The following CGNL1 variants were observed in gnomAD, a reference collection of about 807,000 sequenced individuals.
CGNL1 encodes cingulin-like protein 1.
A neutral mutation model predicts 141.2 loss-of-function variants in CGNL1; 132 were observed. The observed-to-expected ratio is 0.93, with a 90% CI of 0.81 to 1.08. The LOEUF is 1.08. Among genes scored for constraint, CGNL1 ranks in the 50% least tolerant of loss-of-function variants. CGNL1 has a pLI of 0.00. For missense variants in CGNL1, 1,870 were observed against 1,588.6 expected, an observed-to-expected ratio of 1.18 and a Z score of -3.01; for synonymous variants, 690 against 622.1, an observed-to-expected ratio of 1.11 and a Z score of -1.63.
At position 57,458,860 on chromosome 15, in the gene CGNL1, A is replaced by G. The variant is rs1057475932; in HGVS notation, c.2191-2820A>G. Among the ~76,000 whole-genome samples, 7 of 152,214 alleles carry G rather than the reference A, an allele frequency of 4.6e-5. No individual in the cohort carries two copies. The East Asian group carries it at 7.7e-4, about 17-fold the overall frequency. On this transcript the variant is annotated intron_variant, in intron 7 of 18. Transcript: ENST00000281282. ...AGCCAGAGCCGGCCTCGTTACCTGC[A>G]TGGGTCTCTTGACATTTCTTCTGAG...
At chr15:57,395,138 C>G (rs1184738207) in intron 1 of CGNL1, among the ~76,000 whole-genome samples, 2 of 152,124 alleles carry the variant, frequency 1.3e-5, no homozygotes, top group African/African-American at 4.8e-5. Context: ...AAAACCCCAC[C>G]AAACCAAAAA....
intron 11 of CGNL1, among the ~76,000 whole-genome samples, chr15:57,524,064 T>A (rs1182349687): frequency 1.3e-5 from 2 of 152,116 alleles, no homozygotes; most frequent in Non-Finnish European, 2.9e-5. Flanking sequence ...CCAGAAGGGG[T>A]AAAGGCACAA....
Position 57,440,478 on chromosome 15 carries a change from G to C in CGNL1, c.1697+7G>C. ...ACAATTACCTCAAAGAAGGGTTAGT[G>C]ATTTTCCCTCTGAAAGAGCAAAGTA... On this transcript the variant is annotated splice_region_variant and intron_variant, in intron 3 of 18. Coordinates refer to ENST00000281282, the MANE Select transcript of CGNL1 (RefSeq NM_032866.5). 1 of 1,569,208 alleles carries C rather than the reference G, an allele frequency of 6.4e-7. No homozygotes were observed.
At chr15:57,425,814 A>G (rs2062966956) in intron 1 of CGNL1, among the ~76,000 whole-genome samples, 1 of 151,928 alleles carries the variant, frequency 6.6e-6, no homozygotes, top group Admixed American at 6.6e-5. Context: ...AGGTTAAAAT[A>G]TATTATCCTT....
chr15:57,392,331 C>G (rs1656050281), intron 1 of CGNL1, among the ~76,000 whole-genome samples: 1 of 152,018 alleles, frequency 6.6e-6, no homozygotes, highest in Admixed American at 6.5e-5. Flanking sequence ...TGTGATCAGC[C>G]TAGAGGGAGG....
At chr15:57,446,471 AT>A (rs2063253039) in intron 4 of CGNL1, among the ~76,000 whole-genome samples, 1 of 152,116 alleles carries the variant, frequency 6.6e-6, no homozygotes, top group East Asian at 1.9e-4. Flanking sequence ...TACAATATGT[AT>A]TATAATAAGT....
intron 1 of CGNL1, among the ~76,000 whole-genome samples, chr15:57,392,391 T>G (rs2062553369): frequency 6.6e-6 from 1 of 152,136 alleles, no homozygotes; most frequent in Admixed American, 6.5e-5. Flanking sequence ...TTTAAATCTC[T>G]TTTGGTACCT....
Position 57,464,477 on chromosome 15 carries a change from A to G in CGNL1, c.2403+2585A>G, listed in dbSNP as rs78185534. Among the ~76,000 whole-genome samples the G allele has an allele frequency of 5.8e-3, 882 of 152,298 alleles. 26 individuals are homozygous for G. The East Asian group carries it at 0.07, about 12-fold the overall frequency. ...TCTTGAGCTCAGCATGGTGCCTGGG[A>G]CATAGTCACATCCGTGCGGTGTCTG... On this transcript the variant is annotated intron_variant, in intron 8 of 18. Transcript: ENST00000281282.
chr15:57,447,946 T>C (rs1041643008), intron 4 of CGNL1, among the ~76,000 whole-genome samples: 6 of 152,108 alleles, frequency 3.9e-5, no homozygotes, highest in Non-Finnish European at 8.8e-5. Flanking sequence ...CTTTAAGACT[T>C]TCTCTTTTAA....
chr15:57,466,954 A>AT (rs1401157000), intron 8 of CGNL1, among the ~76,000 whole-genome samples: 5 of 152,184 alleles, frequency 3.3e-5, no homozygotes, highest in Non-Finnish European at 7.3e-5. Flanking sequence ...AGTGTCCAAC[A>AT]TACAGCAGTT....
At chr15:57,380,680 GC>G (rs2062414660) in intron 1 of CGNL1, among the ~76,000 whole-genome samples, 2 of 152,172 alleles carry the variant, frequency 1.3e-5, no homozygotes, top group Admixed American at 6.5e-5. Context: ...TATCCATCAT[GC>G]AAAGGGGAGG....
At chr15:57,391,514 TGGG>T (rs2062542952) in intron 1 of CGNL1, among the ~76,000 whole-genome samples, 3 of 152,156 alleles carry the variant, frequency 2.0e-5, no homozygotes, top group African/African-American at 4.8e-5. Flanking sequence ...GTGCTGAGTG[TGGG>T]ATTATAAATT....
intron 14 of CGNL1, among the ~76,000 whole-genome samples, chr15:57,541,776 G>A (rs1180611932): frequency 1.3e-5 from 2 of 152,206 alleles, no homozygotes; most frequent in African/African-American, 4.8e-5. Flanking sequence ...CTGCTCCTGA[G>A]GTTACTTGCA....
intron 1 of CGNL1, among the ~76,000 whole-genome samples, chr15:57,426,337 G>A (rs147318838): frequency 6.6e-6 from 1 of 151,928 alleles, no homozygotes; most frequent in Non-Finnish European, 1.5e-5. Context: ...TAGAGACAGG[G>A]TTTCACCATG....
chr15:57,406,739 A>G (rs2062727546), intron 1 of CGNL1, among the ~76,000 whole-genome samples: 1 of 152,208 alleles, frequency 6.6e-6, no homozygotes, highest in Non-Finnish European at 1.5e-5. Flanking sequence ...AACTTACATA[A>G]GTACTGTGCA....
chr15:57,386,409 T>G (rs1340514425), intron 1 of CGNL1, among the ~76,000 whole-genome samples: 1 of 152,228 alleles, frequency 6.6e-6, no homozygotes, highest in Non-Finnish European at 1.5e-5. Context: ...GTATGCCTTT[T>G]GAAGGCATTT....
chr15:57,475,109 C>T (rs950096318), intron 8 of CGNL1, among the ~76,000 whole-genome samples: 25 of 152,170 alleles, frequency 1.6e-4, no homozygotes, highest in African/African-American at 6.0e-4. Flanking sequence ...GCAGCCATCT[C>T]CCTATTTCCC....
intron 1 of CGNL1, among the ~76,000 whole-genome samples, chr15:57,400,738 C>G (rs1205259919): frequency 2.0e-5 from 3 of 151,794 alleles, no homozygotes; most frequent in African/African-American, 7.3e-5. Flanking sequence ...CAAAATTTAG[C>G]TAGGCTTGGT....
intron 4 of CGNL1, among the ~76,000 whole-genome samples, chr15:57,447,505 C>G (rs12593015): frequency 0.32 from 48,154 of 152,052 alleles, 8,407 homozygotes; most frequent in South Asian, 0.43. Flanking sequence ...GTGTTATTCT[C>G]TTGAAAGTGA....
Sources: gnomAD v4.1 joint callset for allele counts (sites outside exome capture counted in the v4.1 genomes callset) on GRCh38, gnomAD v4.1.1 for gene constraint, MANE v1.5 for transcripts, NCBI Gene and HGNC (gene_info 2026-07-23, HGNC 2026-07-21) for gene names.